The following NEK11 variants were observed in gnomAD, a reference collection of about 807,000 sequenced individuals.
NEK11 encodes the protein serine/threonine-protein kinase Nek11.
In NEK11, 72 loss-of-function variants were observed where a neutral mutation model predicts 80.7. That is an observed-to-expected ratio of 0.89 (90% CI 0.74 to 1.08). The LOEUF (loss-of-function observed/expected upper bound fraction) is 1.08. Among genes scored for constraint, NEK11 ranks in the 50% least tolerant of loss-of-function variants. NEK11 has a pLI of 0.00. For missense variants in NEK11, 764 were observed against 763.6 expected (o/e 1.00, Z -0.01); for synonymous variants, 251 against 260.7 (o/e 0.96, Z 0.36).
chr3:131,257,171 T>G (rs1433485672), intron 16 of NEK11, among the ~76,000 whole-genome samples: 2 of 146,018 alleles, frequency 1.4e-5, no homozygotes. Flanking sequence ...TTTTTTTGTA[T>G]TTTTTGTAGA....
chr3:131,296,555 G>T (rs1056256615), intron 17 of NEK11, among the ~76,000 whole-genome samples: 10 of 152,036 alleles, frequency 6.6e-5, no homozygotes, highest in Non-Finnish European at 1.2e-4. Context: ...CTTTACTTTT[G>T]AAGGATAATT....
At chr3:131,044,212 A>G (rs1168646455) in intron 3 of NEK11, among the ~76,000 whole-genome samples, 1 of 152,164 alleles carries the variant, frequency 6.6e-6, no homozygotes, top group Non-Finnish European at 1.5e-5. Flanking sequence ...ATAACCAGCT[A>G]GCATCATAAT....
intron 4 of NEK11, among the ~76,000 whole-genome samples, chr3:131,083,889 C>T (rs1461584713): frequency 5.3e-5 from 8 of 152,198 alleles, no homozygotes; most frequent in Admixed American, 5.2e-4. Context: ...TTGGTGTCTT[C>T]TATTTTCCTC....
At chr3:131,125,424 T>C (rs1438551991) in intron 5 of NEK11, among the ~76,000 whole-genome samples, 2 of 152,216 alleles carry the variant, frequency 1.3e-5, no homozygotes, top group Admixed American at 6.5e-5. Flanking sequence ...GTAATATTAA[T>C]TTGGTGGGCA....
At chr3:131,193,729 T>C (rs2093891200) in intron 14 of NEK11, among the ~76,000 whole-genome samples, 1 of 152,112 alleles carries the variant, frequency 6.6e-6, no homozygotes, top group Non-Finnish European at 1.5e-5. Flanking sequence ...ATGTGCTAAG[T>C]AGGTAGGTGC....
At chr3:131,307,652 A>G (rs2096736288) in intron 17 of NEK11, among the ~76,000 whole-genome samples, 1 of 152,242 alleles carries the variant, frequency 6.6e-6, no homozygotes, top group South Asian at 2.1e-4. Flanking sequence ...CCAGGAAGCC[A>G]GGTCAAAAAG....
intron 11 of NEK11, among the ~76,000 whole-genome samples, chr3:131,163,064 T>C (rs929618743): frequency 3.3e-5 from 5 of 152,128 alleles, no homozygotes; most frequent in African/African-American, 1.2e-4. Context: ...AATTAGAGTA[T>C]TTACATGAAA....
chr3:131,096,510 G>T (rs975248915), intron 4 of NEK11, among the ~76,000 whole-genome samples: 3 of 151,948 alleles, frequency 2.0e-5, no homozygotes, highest in African/African-American at 7.3e-5. Context: ...TGTCTTTTTG[G>T]TAGAATGATC....
At chr3:131,089,050 C>A (rs2076382234) in intron 4 of NEK11, among the ~76,000 whole-genome samples, 1 of 152,192 alleles carries the variant, frequency 6.6e-6, no homozygotes, top group South Asian at 2.1e-4. Context: ...TTCAGCCCTG[C>A]CTTTCTCAAG....
chr3:131,087,167 A>AC (rs1156934832), intron 4 of NEK11, among the ~76,000 whole-genome samples: 2 of 149,564 alleles, frequency 1.3e-5, no homozygotes, highest in Admixed American at 1.3e-4. Context: ...GCTAGTTTTT[A>AC]CCTCTGAGAT....
intron 3 of NEK11, 88 bp downstream of exon 3, chr3:131,029,966 A>G (rs2064542348): frequency 2.5e-6 from 3 of 1,220,216 alleles, no homozygotes; most frequent in East Asian, 2.4e-5. Flanking sequence ...CAGGCCAGGT[A>G]TGGTGGCTCA....
chr3:131,269,928 G>C (rs1237838356), intron 16 of NEK11, among the ~76,000 whole-genome samples: 1 of 152,288 alleles, frequency 6.6e-6, no homozygotes, highest in Non-Finnish European at 1.5e-5. Flanking sequence ...CAGGCTCAAG[G>C]CTTAAAGCCT....
At chr3:131,267,292 T>C (rs2096076994) in intron 16 of NEK11, among the ~76,000 whole-genome samples, 1 of 152,274 alleles carries the variant, frequency 6.6e-6, no homozygotes, top group Admixed American at 6.5e-5. Context: ...TTAAATGGTC[T>C]TTACAATTTA....
chr3:131,308,376 G>A (rs2096743313), intron 17 of NEK11, among the ~76,000 whole-genome samples: 1 of 152,190 alleles, frequency 6.6e-6, no homozygotes, highest in African/African-American at 2.4e-5. Flanking sequence ...GTCTAAAGCA[G>A]CTCAAGGATT....
At chr3:131,190,252 A>T (rs2093743462) in intron 14 of NEK11, among the ~76,000 whole-genome samples, 2 of 152,196 alleles carry the variant, frequency 1.3e-5, no homozygotes, top group South Asian at 4.1e-4. Flanking sequence ...TGCACTGAGG[A>T]TTCAGGAGTG....
chr3:131,349,681 G>A lies in NEK11; in HGVS notation c.1843G>A (p.Ala615Thr). 1 of 1,614,178 alleles carries A rather than the reference G, an allele frequency of 6.2e-7. No individual in the cohort carries two copies. Among genetic ancestry groups the A allele is most frequent in the Non-Finnish European group, 8.5e-7 (1 of 1,180,008 alleles). Residue 615 changes from alanine to threonine, a missense_variant, in exon 18 of 18, where the codon GCC becomes ACC. Physicochemically the swap from Ala to Thr is moderately conservative, Grantham distance 58. Coordinates refer to ENST00000383366, the MANE Select transcript of NEK11 (RefSeq NM_024800.5). The stretch of plus-strand genomic sequence containing the variant: ...GTGTTTGGAAAAAGTGGTGCCTCAA[G>A]CCAGCGACTGTTTTGAAGTGGACCA... ...RECLEKVVPQ[A>T]SDCFEVDQLL...
chr3:131,097,424 A>G (rs1221536478), intron 4 of NEK11, among the ~76,000 whole-genome samples: 1 of 151,868 alleles, frequency 6.6e-6, no homozygotes, highest in African/African-American at 2.4e-5. Context: ...AATGATTGCC[A>G]TTCTAACTGG....
chr3:131,227,381 G>A (rs1046284325), intron 14 of NEK11, among the ~76,000 whole-genome samples: 9 of 151,986 alleles, frequency 5.9e-5, no homozygotes, highest in African/African-American at 1.7e-4. Flanking sequence ...CCTGCATACC[G>A]ATGCTTTCAT....
chr3:131,128,491 A>G (rs79638906), intron 5 of NEK11, among the ~76,000 whole-genome samples: 87 of 152,312 alleles, frequency 5.7e-4, no homozygotes, highest in Non-Finnish European at 8.8e-4. Flanking sequence ...AATAGCTCAT[A>G]TCTTCTTAGC....
Sources: gnomAD v4.1 joint callset for allele counts (sites outside exome capture counted in the v4.1 genomes callset) on GRCh38, gnomAD v4.1.1 for gene constraint, MANE v1.5 for transcripts, NCBI Gene and HGNC (gene_info 2026-07-23, HGNC 2026-07-21) for gene names.